The following MED25 variants were observed in gnomAD, a reference collection of about 807,000 sequenced individuals.
The protein encoded by MED25 is mediator of RNA polymerase II transcription subunit 25.
A neutral mutation model predicts 89.4 loss-of-function variants in MED25; 62 were observed. That is an observed-to-expected ratio of 0.69 (90% CI 0.57 to 0.86). The LOEUF (loss-of-function observed/expected upper bound fraction) is 0.86. MED25 is among the 40% of genes least tolerant of loss of function. The pLI, the probability that MED25 is intolerant of heterozygous loss-of-function variation, is 0.00. For synonymous variants in MED25, 449 were observed against 427.9 expected, an observed-to-expected ratio of 1.05 and a Z score of -0.61; for missense variants, 905 against 1,005.2, an observed-to-expected ratio of 0.90 and a Z score of 1.35.
chr19:49,830,850 G>A lies in MED25; in HGVS notation c.1064G>A (p.Gly355Asp). ...SLVSTVAPGS[G>D]LAPTAQPGAP... is the part of the protein sequence containing the mutation. ...GTCTCCACTGTGGCCCCTGGCTCCGGCCTGGCTCCCACGGCACAGCCCGGG... is the reference window on the plus strand; with the variant it reads ...GTCTCCACTGTGGCCCCTGGCTCCGACCTGGCTCCCACGGCACAGCCCGGG... The change falls in exon 9 of 18, where the codon GGC becomes GAC. Residue 355 changes from glycine to aspartate, a missense_variant. Gly to Asp is a moderately conservative substitution (Grantham distance 94, BLOSUM62 -1). This residue lies in a region of MED25 where 501 missense variants were observed against 526.9 expected (regional missense o/e 0.95). Transcript: ENST00000312865. This position sits in a 1 kb window ranked among gnomAD's most constrained non-coding sequence, Gnocchi z 4.6. The A allele has an allele frequency of 6.2e-7, 1 of 1,612,234 alleles. No individual in the cohort carries two copies.
At chr19:49,825,686 C>T (rs1424930744) in intron 3 of MED25, among the ~76,000 whole-genome samples, 2 of 151,862 alleles carry the variant, frequency 1.3e-5, no homozygotes. Context: ...ACAAAATTAG[C>T]TGGGCGTGGT....
chr19:49,825,703 T>C (rs530563861), intron 3 of MED25, among the ~76,000 whole-genome samples: 1 of 151,844 alleles, frequency 6.6e-6, no homozygotes, highest in African/African-American at 2.4e-5. Context: ...TGGTGCCGCA[T>C]GCCTGTAATC....
intron 3 of MED25, among the ~76,000 whole-genome samples, chr19:49,824,590 A>G (rs1188978599): frequency 2.0e-5 from 3 of 151,128 alleles, no homozygotes; most frequent in East Asian, 1.9e-4. Context: ...GTCTCGGGAA[A>G]AAAAAAAAAA....
chr19:49,838,766 C>T (rs1281751984), downstream of MED25: 1 of 456,468 alleles, frequency 2.2e-6, no homozygotes, highest in Non-Finnish European at 4.4e-6. Flanking sequence ...GACCAGTACA[C>T]AGAACAGACT....
At chr19:49,824,938 G>A (rs2074006384) in intron 3 of MED25, among the ~76,000 whole-genome samples, 1 of 152,200 alleles carries the variant, frequency 6.6e-6, no homozygotes, top group Non-Finnish European at 1.5e-5. Context: ...ATGGGAGTAA[G>A]TTAGAGGACT....
chr19:49,836,915 G>A lies in MED25; in HGVS notation c.2215G>A (p.Glu739Lys). ...GCCGGGCCTGCAGCCCAGCGTCATG[G>A]AGGACGACATCCTCATGGATCTCAT... ...PQPGLQPSVM[E>K]DDILMDLI Residue 739 changes from glutamate to lysine, a missense_variant, in exon 18 of 18, where the codon GAG becomes AAG. Glu to Lys is a moderately conservative substitution (Grantham distance 56, BLOSUM62 1). Around this residue, in one of 3 missense-constraint regions of MED25, gnomAD observed 271 missense variants for 258.1 expected, o/e 1.05. Transcript: ENST00000312865. This position sits in a 1 kb window ranked among gnomAD's most constrained non-coding sequence, Gnocchi z 5.1. 1 of 1,613,108 alleles carries A rather than the reference G, an allele frequency of 6.2e-7. No individual in the cohort carries two copies.
At chr19:49,824,795 G>A (rs969410054) in intron 3 of MED25, among the ~76,000 whole-genome samples, 11 of 152,180 alleles carry the variant, frequency 7.2e-5, no homozygotes, top group African/African-American at 2.7e-4. Context: ...GTGACAGGCC[G>A]TGTGTAGGGA....
chr19:49,834,703 TG>T lies in MED25; in HGVS notation c.1483-280del. Reference sequence around the variant, plus strand: ...CCGTGGCATTTTATGCCCAAGAAACTGGGTCCATGAGGAGCAGGTGGTGGCT... The same window carrying T: ...CCGTGGCATTTTATGCCCAAGAAACTGGTCCATGAGGAGCAGGTGGTGGCT... On this transcript the variant is annotated intron_variant, in intron 13 of 17. Coordinates refer to ENST00000312865, the MANE Select transcript of MED25 (RefSeq NM_030973.4). This position sits in a 1 kb window ranked among gnomAD's most constrained non-coding sequence, Gnocchi z 4.1. 2.0e-6 allele frequency: 1 copy of T among 508,166 alleles called. No individual in the cohort carries two copies. The highest frequency in any genetic ancestry group is 2.1e-5 in the South Asian group (1 of 47,140). 31.5% of individuals were successfully genotyped at this position (508,166 alleles called of 1,614,324 possible). A position where few individuals can be genotyped will look rare whatever the true frequency, so the allele number is the denominator to read the frequency against.
Position 49,835,532 on chromosome 19 carries a change from A to C in MED25, c.1675-2A>C, listed in dbSNP as rs1376774692. 1 of 1,554,802 alleles carries C rather than the reference A, an allele frequency of 6.4e-7. No individual in the cohort carries two copies. Among genetic ancestry groups the C allele is most frequent in the Non-Finnish European group, 8.7e-7 (1 of 1,149,982 alleles). On this transcript the variant is annotated splice_acceptor_variant, in intron 14 of 17. Coordinates refer to ENST00000312865, the MANE Select transcript of MED25 (RefSeq NM_030973.4). LOFTEE classifies it high-confidence loss of function. This position sits in a 1 kb window ranked among gnomAD's most constrained non-coding sequence, Gnocchi z 6.2. ...CTGACCTGCCCCTCTCTCCCCGTGC[A>C]GATGGGGGGACAGCAGGCACCCCCA... is the stretch of plus-strand genomic sequence containing the variant.
chr19:49,824,603 AAAG>A (rs1171746045), intron 3 of MED25, among the ~76,000 whole-genome samples: 3 of 151,978 alleles, frequency 2.0e-5, no homozygotes, highest in Non-Finnish European at 4.4e-5. Context: ...AAAAAAAAAA[AAAG>A]AGGTGGAAGG....
At position 49,836,694 on chromosome 19, in the gene MED25, G is replaced by C; in HGVS notation, c.2147-153G>C. ...GTAGTTTTGGAGAAGGGCCCCCAAA[G>C]GCTCATGGGAAACAGCATATTTGTA... On this transcript the variant is annotated intron_variant, in intron 17 of 17. Coordinates refer to ENST00000312865, the MANE Select transcript of MED25 (RefSeq NM_030973.4). The surrounding 1 kb of genome is among the most constrained non-coding windows in gnomAD (Gnocchi z 5.1). 1.3e-6 allele frequency: 1 copy of C among 748,608 alleles called. No individual in the cohort carries two copies. Among genetic ancestry groups the C allele is most frequent in the Non-Finnish European group, 2.4e-6 (1 of 414,606 alleles). 46.4% of individuals were successfully genotyped at this position (748,608 alleles called of 1,614,324 possible). A position where few individuals can be genotyped will look rare whatever the true frequency, so the allele number is the denominator to read the frequency against.
intron 3 of MED25, among the ~76,000 whole-genome samples, chr19:49,826,618 C>T (rs148287197): frequency 6.6e-6 from 1 of 152,310 alleles, no homozygotes; most frequent in East Asian, 1.9e-4. Flanking sequence ...TGGTGTCTCT[C>T]TTGGAGGGCT....
rs566536708 is a variant in MED25, at chr19:49,832,152, C to T, written c.1369C>T (p.Leu457=). The part of the protein sequence containing the change: ...KLIMQLIPQQ[L]LTTLGPLFRN... ...GATCATGCAGCTCATCCCCCAGCAG[C>T]TGCTGGTGAGTGGCGGTGGAGGGCC... The change falls in exon 12 of 18, where the codon CTG becomes TTG. Residue 457 remains leucine (L), a synonymous_variant. Coordinates refer to ENST00000312865, the MANE Select transcript of MED25 (RefSeq NM_030973.4). 1.6e-4 allele frequency: 255 copies of T among 1,612,758 alleles called. 4 individuals are homozygous for T. In the South Asian group the frequency reaches 2.6e-3, roughly 17 times the overall value.
rs1408154975 is a variant in MED25 at position 49,830,111 on chromosome 19, C to T, written c.712C>T (p.Pro238Ser). Reference sequence around the variant, plus strand: ...AGTTGGGGGTGGCTCAGCCCCAGGCCCCCTCCAGTCAAAGCAGCCAGTCCC... The same window carrying T: ...AGTTGGGGGTGGCTCAGCCCCAGGCTCCCTCCAGTCAAAGCAGCCAGTCCC... ...LPVGGGSAPG[P>S]LQSKQPVPLP... The change falls in exon 7 of 18, where the codon CCC becomes TCC. Residue 238 changes from proline to serine, a missense_variant. This residue lies in a region of MED25 where 501 missense variants were observed against 526.9 expected (regional missense o/e 0.95). Transcript: ENST00000312865. This position sits in a 1 kb window ranked among gnomAD's most constrained non-coding sequence, Gnocchi z 4.6. 1 of 1,608,458 alleles carries T rather than the reference C, an allele frequency of 6.2e-7. No homozygotes were observed. The highest frequency in any genetic ancestry group is 8.5e-7 in the Non-Finnish European group (1 of 1,178,368).
In MED25 at chr19:49,835,284, G is replaced by A. The variant is rs2074087386; in HGVS notation, c.1674+107G>A. ...AAGATGCCCACCCTTCTCCCAATAT[G>A]TGGTGCCTCCAAGCTAAGTCCCACT... is the stretch of plus-strand genomic sequence containing the variant. On this transcript the variant is annotated intron_variant, in intron 14 of 17. Coordinates refer to ENST00000312865, the MANE Select transcript of MED25 (RefSeq NM_030973.4). The surrounding 1 kb of genome is among the most constrained non-coding windows in gnomAD (Gnocchi z 6.2). The A allele has an allele frequency of 1.5e-5, 19 of 1,254,462 alleles. No homozygotes were observed. Among genetic ancestry groups the A allele is most frequent in the Middle Eastern group, 1.9e-4 (1 of 5,338 alleles). The allele number at this position is 1,254,462 out of a possible 1,614,324, so 77.7% of individuals were successfully genotyped here.
At chr19:49,824,056 C>T (rs948302005) in intron 3 of MED25, among the ~76,000 whole-genome samples, 1 of 152,114 alleles carries the variant, frequency 6.6e-6, no homozygotes, top group South Asian at 2.1e-4. Flanking sequence ...CTTCTTGAGG[C>T]CCAGGTCCAA....
At chr19:49,828,359 G>A (rs2074029035) in intron 3 of MED25, 90 bp from the exon 4 acceptor site, 2 of 888,202 alleles carry the variant, frequency 2.3e-6, no homozygotes, top group African/African-American at 1.6e-5. Flanking sequence ...CCAGGATAGA[G>A]TGGGGGACAG....
Position 49,830,629 on chromosome 19 carries a change from C to T in MED25, c.907+31C>T, listed in dbSNP as rs200889825. 33 of 1,613,144 alleles carry T rather than the reference C, an allele frequency of 2.0e-5. No individual in the cohort carries two copies. Among genetic ancestry groups the T allele is most frequent in the Non-Finnish European group, 2.6e-5 (31 of 1,179,096 alleles). ...TCCTGGAGTGAGGATGAAGGGCGGG[C>T]AGGGGCCAGGCAGGCCTCTCTCCAC... On this transcript the variant is annotated intron_variant, in intron 8 of 17. Transcript: ENST00000312865. The surrounding 1 kb of genome is among the most constrained non-coding windows in gnomAD (Gnocchi z 4.6).
chr19:49,836,586 C>G lies in MED25; in HGVS notation c.2146+180C>G, dbSNP rs551006526. 1 of 809,488 alleles carries G rather than the reference C, an allele frequency of 1.2e-6. No individual in the cohort carries two copies. The highest frequency in any genetic ancestry group is 2.7e-5 in the East Asian group (1 of 37,688). 50.1% of individuals were successfully genotyped at this position (809,488 alleles called of 1,614,324 possible). On this transcript the variant is annotated intron_variant, in intron 17 of 17. Coordinates refer to ENST00000312865, the MANE Select transcript of MED25 (RefSeq NM_030973.4). This position sits in a 1 kb window ranked among gnomAD's most constrained non-coding sequence, Gnocchi z 5.1. ...AAAGTACAGCCCATGGGTCCAAGGA[C>G]CTAGTGGGTTAAGAGCGTTTCCCAT... is the stretch of plus-strand genomic sequence containing the variant.
Sources: allele counts gnomAD v4.1 joint callset (sites outside exome capture counted in the v4.1 genomes callset), GRCh38; gene constraint gnomAD v4.1.1; regional missense constraint gnomAD v4.1.1; non-coding constraint Gnocchi (gnomAD v3.1); transcripts MANE v1.5; gene names NCBI Gene and HGNC (gene_info 2026-07-23, HGNC 2026-07-21).